The following CNTNAP2 variants were observed in gnomAD, a reference collection of about 807,000 sequenced individuals.
The protein encoded by CNTNAP2 is contactin-associated protein-like 2.
Under a neutral mutation model 155.2 loss-of-function variants are expected in CNTNAP2, and 98 were observed. The ratio of observed to expected loss-of-function variants is 0.63; its 90% CI spans 0.54 to 0.75. The LOEUF (loss-of-function observed/expected upper bound fraction) is 0.75. Ranked by LOEUF, CNTNAP2 falls within the 30% of genes least tolerant of loss-of-function variation. The pLI is 0.00. For synonymous variants in CNTNAP2, 651 were observed against 631.2 expected (o/e 1.03, Z -0.47); for missense variants, 1,727 against 1,688.1 (o/e 1.02, Z -0.40).
intron 1 of CNTNAP2, among the ~76,000 whole-genome samples, chr7:146,424,086 A>G (rs1013707147): frequency 6.6e-6 from 1 of 152,168 alleles, no homozygotes; most frequent in African/African-American, 2.4e-5. Flanking sequence ...GGGAAATTTC[A>G]TAATGCTCCC....
intron 13 of CNTNAP2, among the ~76,000 whole-genome samples, chr7:147,860,438 A>T (rs908877793): frequency 6.6e-6 from 1 of 151,774 alleles, no homozygotes; most frequent in Non-Finnish European, 1.5e-5. Flanking sequence ...ACAACAAAAA[A>T]AATTAGCCAT....
At chr7:148,271,502 G>T (rs1796778849) in intron 21 of CNTNAP2, among the ~76,000 whole-genome samples, 1 of 152,248 alleles carries the variant, frequency 6.6e-6, no homozygotes, top group Non-Finnish European at 1.5e-5. Context: ...CGAGTCAGCG[G>T]TGACGCTGAG....
At chr7:147,750,972 G>A (rs1459756138) in intron 13 of CNTNAP2, among the ~76,000 whole-genome samples, 1 of 152,024 alleles carries the variant, frequency 6.6e-6, no homozygotes, top group Non-Finnish European at 1.5e-5. Flanking sequence ...CCCGAGAGGC[G>A]GAGCTTGCAG....
At chr7:147,498,784 G>A in intron 11 of CNTNAP2, among the ~76,000 whole-genome samples, 1 of 151,888 alleles carries the variant, frequency 6.6e-6, no homozygotes, top group Non-Finnish European at 1.5e-5. Context: ...CATTCAAAGT[G>A]GTAGTTTTTT....
intron 20 of CNTNAP2, among the ~76,000 whole-genome samples, chr7:148,244,211 G>A (rs1426139355): frequency 7.2e-5 from 11 of 152,134 alleles, no homozygotes; most frequent in Non-Finnish European, 1.5e-4. Context: ...TCGTTTTGGA[G>A]AGCTGTATGT....
chr7:147,775,304 TTTATAA>T (rs1226175539), intron 13 of CNTNAP2, among the ~76,000 whole-genome samples: 4 of 51,622 alleles, frequency 7.7e-5, no homozygotes, highest in African/African-American at 3.1e-4. Flanking sequence ...TTTATATATA[TTTATAA>T]ATATATATAT....
At chr7:147,323,820 G>A (rs879737080) in intron 9 of CNTNAP2, among the ~76,000 whole-genome samples, 31 of 152,026 alleles carry the variant, frequency 2.0e-4, no homozygotes, top group African/African-American at 7.2e-4. Flanking sequence ...TTTTAATTAC[G>A]CATTTATATC....
intron 13 of CNTNAP2, among the ~76,000 whole-genome samples, chr7:147,850,795 G>T (rs1319415952): frequency 6.6e-6 from 1 of 152,152 alleles, no homozygotes; most frequent in Non-Finnish European, 1.5e-5. Context: ...AGACTTAAAT[G>T]TTAGACCTAA....
At chr7:146,179,961 G>A (rs1798526795) in intron 1 of CNTNAP2, among the ~76,000 whole-genome samples, 1 of 152,088 alleles carries the variant, frequency 6.6e-6, no homozygotes, top group Admixed American at 6.6e-5. Context: ...AGTGCTGTAT[G>A]TGTGTGTGTA....
intron 3 of CNTNAP2, among the ~76,000 whole-genome samples, chr7:147,019,558 A>G (rs557743863): frequency 1.3e-5 from 2 of 152,232 alleles, no homozygotes; most frequent in South Asian, 4.1e-4. Flanking sequence ...TAGAGCTGTC[A>G]GTATTGGAAT....
intron 6 of CNTNAP2, among the ~76,000 whole-genome samples, chr7:147,126,895 G>A (rs1801251321): frequency 6.6e-6 from 1 of 152,174 alleles, no homozygotes; most frequent in Admixed American, 6.5e-5. Flanking sequence ...AGCCTGCATT[G>A]CTTTTCCAGA....
At chr7:147,675,061 T>C (rs1293156940) in intron 13 of CNTNAP2, among the ~76,000 whole-genome samples, 2 of 152,032 alleles carry the variant, frequency 1.3e-5, no homozygotes, top group African/African-American at 4.8e-5. Flanking sequence ...AAGCCAGAAG[T>C]TTGATATCAA....
chr7:148,233,633 G>A (rs774344882), intron 20 of CNTNAP2, among the ~76,000 whole-genome samples: 4 of 152,214 alleles, frequency 2.6e-5, no homozygotes, highest in Admixed American at 6.5e-5. Context: ...TCACATACAC[G>A]ATAACAGCTC....
intron 8 of CNTNAP2, among the ~76,000 whole-genome samples, chr7:147,253,160 G>A (rs778772215): frequency 1.6e-4 from 25 of 152,090 alleles, no homozygotes; most frequent in Non-Finnish European, 3.1e-4. Context: ...GCTACTGCCC[G>A]TTCTGATGCT....
chr7:147,235,194 T>C (rs1803770832), intron 8 of CNTNAP2, among the ~76,000 whole-genome samples: 1 of 152,132 alleles, frequency 6.6e-6, no homozygotes, highest in African/African-American at 2.4e-5. Flanking sequence ...TGTTTTTTTT[T>C]CCTGTCTTTG....
At chr7:148,291,334 A>G (rs1797186290) in intron 21 of CNTNAP2, among the ~76,000 whole-genome samples, 1 of 151,196 alleles carries the variant, frequency 6.6e-6, no homozygotes, top group Admixed American at 6.6e-5. Flanking sequence ...TTTATTATTA[A>G]GTAATAACTC....
In CNTNAP2 at chr7:146,721,292, ATT is replaced by A. The variant is rs1261908072; in HGVS notation, c.98-52978_98-52977del. On this transcript the variant is annotated intron_variant, in intron 1 of 23. Coordinates refer to ENST00000361727, the MANE Select transcript of CNTNAP2 (RefSeq NM_014141.6). ...TATATTCTATATATATTCTATATAT[ATT>A]CTATATATGTATTCTATATATATTC... 8.2e-3 allele frequency among the ~76,000 whole-genome samples: 1,019 copies of A among 124,426 alleles called. 14 individuals carry two copies. Among genetic ancestry groups the A allele is most frequent in the East Asian group, 0.032 (124 of 3,852 alleles). The allele number at this position is 124,426 out of a possible 152,430, so 81.6% of individuals were successfully genotyped here.
chr7:148,097,362 ACCAT>A lies in CNTNAP2; in HGVS notation c.2384-20755_2384-20752del, dbSNP rs1275596754. 8.2e-3 allele frequency among the ~76,000 whole-genome samples: 1,181 copies of A among 143,352 alleles called. 81 individuals are homozygous for A. In the East Asian group the frequency reaches 0.16, roughly 20 times the overall value. 94.0% of individuals were successfully genotyped at this position (143,352 alleles called of 152,430 possible). A position where few individuals can be genotyped will look rare whatever the true frequency, so the allele number is the denominator to read the frequency against. ...TTGTAAAAAAAAAAAAAAAAAAAAAACCATAAAAAATAAAAATAAAAATAAAAAA... is the reference window on the plus strand; with the variant it reads ...TTGTAAAAAAAAAAAAAAAAAAAAAAAAAAAATAAAAATAAAAATAAAAAA... On this transcript the variant is annotated intron_variant, in intron 15 of 23. Transcript: ENST00000361727.
At chr7:146,966,019 G>A (rs976067250) in intron 3 of CNTNAP2, among the ~76,000 whole-genome samples, 4 of 152,194 alleles carry the variant, frequency 2.6e-5, no homozygotes, top group Non-Finnish European at 5.9e-5. Context: ...GGAAGTGGAT[G>A]TCACCTTTGT....
Sources: allele counts gnomAD v4.1 joint callset (sites outside exome capture counted in the v4.1 genomes callset), GRCh38; gene constraint gnomAD v4.1.1; transcripts MANE v1.5; gene names NCBI Gene and HGNC (gene_info 2026-07-23, HGNC 2026-07-21).